Variants in LINGO2 observed in about 807,000 individuals in gnomAD.
LINGO2 encodes leucine rich repeat and Ig domain containing 2.
In LINGO2, 14 loss-of-function variants were observed where a neutral mutation model predicts 30.6. The observed-to-expected ratio is 0.46, with a 90% CI of 0.30 to 0.72. The LOEUF is 0.72. Ranked by LOEUF, LINGO2 falls within the 30% of genes least tolerant of loss-of-function variation. The pLI is 0.07. For synonymous variants in LINGO2, 317 were observed against 288.5 expected (o/e 1.10, Z -1.00); for missense variants, 729 against 751.7 (o/e 0.97, Z 0.35).
At chr9:29,000,168 G>A in the LINGO2 span, among the ~76,000 whole-genome samples, 97,441 of 151,700 alleles carry the variant, frequency 0.64, 32,080 homozygotes, top group Non-Finnish European at 0.72. Flanking sequence ...TAGGAATTGT[G>A]GTAAGTATTC....
upstream of LINGO2, among the ~76,000 whole-genome samples, chr9:28,672,577 G>A (rs545586346): frequency 6.6e-6 from 1 of 152,156 alleles, no homozygotes; most frequent in African/African-American, 2.4e-5. Context: ...GAAATAAAGT[G>A]CTGTTTCCTA....
At chr9:29,073,579 C>T in the LINGO2 span, among the ~76,000 whole-genome samples, 1 of 152,156 alleles carries the variant, frequency 6.6e-6, no homozygotes, top group Non-Finnish European at 1.5e-5. Context: ...TTTATTGGAA[C>T]ACAACCAAAC....
the LINGO2 span, among the ~76,000 whole-genome samples, chr9:29,114,516 T>G: frequency 6.6e-6 from 1 of 151,020 alleles, no homozygotes; most frequent in Non-Finnish European, 1.5e-5. Flanking sequence ...ACTCGTCATT[T>G]ACATTAGGTA....
chr9:28,865,886 T>C, the LINGO2 span, among the ~76,000 whole-genome samples: 2 of 152,204 alleles, frequency 1.3e-5, no homozygotes, highest in Non-Finnish European at 2.9e-5. Flanking sequence ...TAAAATTAAG[T>C]TGATCCAATA....
chr9:27,950,639 T>C, exon 6 of LINGO2: 2 of 1,513,410 alleles, frequency 1.3e-6, no homozygotes, highest in Middle Eastern at 1.8e-4. Flanking sequence ...GACCCAGGAA[T>C]GGCTGCCAGC....
chr9:28,602,825 C>T (rs986151478), intron 1 of LINGO2, among the ~76,000 whole-genome samples: 1 of 152,048 alleles, frequency 6.6e-6, no homozygotes, highest in Non-Finnish European at 1.5e-5. Context: ...GACTGTACAT[C>T]TGTGTCACAA....
At chr9:28,725,145 C>T in the LINGO2 span, among the ~76,000 whole-genome samples, 9 of 151,710 alleles carry the variant, frequency 5.9e-5, no homozygotes, top group Non-Finnish European at 1.3e-4. Context: ...TTTACTTGCT[C>T]AAGGAAATAA....
At chr9:28,930,314 G>A in the LINGO2 span, among the ~76,000 whole-genome samples, 84 of 152,188 alleles carry the variant, frequency 5.5e-4, 1 homozygote, top group African/African-American at 2.0e-3. The surrounding 1 kb of genome is among the most constrained non-coding windows in gnomAD (Gnocchi z 4.2). Flanking sequence ...AGACTGTGTG[G>A]TCCTCCTCTG....
intron 1 of LINGO2, among the ~76,000 whole-genome samples, chr9:28,645,209 A>G (rs1031324171): frequency 3.3e-5 from 5 of 152,054 alleles, no homozygotes; most frequent in African/African-American, 1.2e-4. Context: ...AATTGGAAAA[A>G]AAGGGGATTC....
At chr9:28,794,688 ACT>A in the LINGO2 span, among the ~76,000 whole-genome samples, 1 of 151,950 alleles carries the variant, frequency 6.6e-6, no homozygotes, top group African/African-American at 2.4e-5. Context: ...TAATTAGAAA[ACT>A]CTAATTGTCT....
the LINGO2 span, among the ~76,000 whole-genome samples, chr9:28,828,039 A>C: frequency 2.0e-5 from 3 of 151,926 alleles, no homozygotes; most frequent in African/African-American, 7.2e-5. Context: ...ATCTTTGGGG[A>C]AGGGGCCGGA....
intron 4 of LINGO2, among the ~76,000 whole-genome samples, chr9:28,093,713 C>A (rs1414275977): frequency 6.6e-6 from 1 of 152,058 alleles, no homozygotes; most frequent in Non-Finnish European, 1.5e-5. Context: ...TAAATAATCC[C>A]TTGCCATTAG....
chr9:28,247,723 G>A (rs569609347), intron 4 of LINGO2, among the ~76,000 whole-genome samples: 3 of 152,172 alleles, frequency 2.0e-5, no homozygotes, highest in Admixed American at 1.3e-4. Context: ...TAACACGCCT[G>A]CATGATCTGC....
Position 28,218,150 on chromosome 9 carries a change from CATT to C in LINGO2, c.-87+77055_-87+77057del, listed in dbSNP as rs527364535. Among the ~76,000 whole-genome samples, 390 of 148,388 alleles carry C rather than the reference CATT, an allele frequency of 2.6e-3. 2 individuals carry two copies. Among genetic ancestry groups the C allele is most frequent in the African/African-American group, 9.2e-3 (371 of 40,370 alleles). Reference sequence around the variant, plus strand: ...ATAAATATATATAATTCTAATATAACATTATCAAATAATACTAAATATAGTATC... The same window carrying C: ...ATAAATATATATAATTCTAATATAACATCAAATAATACTAAATATAGTATC... On this transcript the variant is annotated intron_variant, in intron 4 of 5. Transcript: ENST00000379992.
rs188278163 is a variant in LINGO2 at position 28,497,931 on chromosome 9, C to G, written c.-364-21906G>C. ...AGTTTGCTGGAGGTCCATTCCAGAC[C>G]CTGTTTGCCTGGGTATCAGCAGCGG... On this transcript the variant is annotated intron_variant, in intron 1 of 5. Coordinates refer to ENST00000379992, the Ensembl canonical transcript of LINGO2. Among the ~76,000 whole-genome samples the G allele has an allele frequency of 3.8e-3, 573 of 152,260 alleles. 4 individuals are homozygous for G. The highest frequency in any genetic ancestry group is 0.013 in the African/African-American group (526 of 41,536).
chr9:28,836,367 T>G, the LINGO2 span, among the ~76,000 whole-genome samples: 1 of 152,050 alleles, frequency 6.6e-6, no homozygotes, highest in Non-Finnish European at 1.5e-5. Flanking sequence ...CAGGCTGGAG[T>G]GCAATGGGGC....
the LINGO2 span, among the ~76,000 whole-genome samples, chr9:29,067,343 C>T: frequency 6.6e-6 from 1 of 151,388 alleles, no homozygotes; most frequent in Non-Finnish European, 1.5e-5. Flanking sequence ...AATTCTATTC[C>T]CCATACTGAA....
the LINGO2 span, among the ~76,000 whole-genome samples, chr9:28,722,904 G>A: frequency 2.0e-5 from 3 of 152,086 alleles, no homozygotes; most frequent in Admixed American, 1.3e-4. Context: ...AAACAGCAGT[G>A]AGCTCTGATA....
intron 1 of LINGO2, among the ~76,000 whole-genome samples, chr9:28,552,111 C>T (rs920443339): frequency 6.6e-6 from 1 of 151,958 alleles, no homozygotes; most frequent in African/African-American, 2.4e-5. Flanking sequence ...TTTGTTAATA[C>T]ATGTAAATAT....
Sources: gnomAD v4.1 joint callset for allele counts (sites outside exome capture counted in the v4.1 genomes callset) on GRCh38, gnomAD v4.1.1 for gene constraint, Gnocchi (gnomAD v3.1) non-coding constraint, MANE v1.5 for transcripts, NCBI Gene and HGNC (gene_info 2026-07-23, HGNC 2026-07-21) for gene names.